Variants in STK32C observed in about 807,000 individuals in gnomAD.
STK32C encodes the protein serine/threonine kinase 32C, also known as serine/threonine-protein kinase 32C.
Under a neutral mutation model 56.5 loss-of-function variants are expected in STK32C, and 31 were observed. The ratio of observed to expected loss-of-function variants is 0.55; its 90% CI spans 0.41 to 0.74. The LOEUF (loss-of-function observed/expected upper bound fraction) is 0.74. Ranked by LOEUF, STK32C falls within the 30% of genes least tolerant of loss-of-function variation. The pLI, the probability that STK32C is intolerant of heterozygous loss-of-function variation, is 0.00. For missense variants in STK32C, 544 were observed against 676.9 expected (o/e 0.80, Z 2.18); for synonymous variants, 309 against 289.4 (o/e 1.07, Z -0.69).
chr10:132,274,776 C>A (rs557251614), intron 1 of STK32C, among the ~76,000 whole-genome samples: 1 of 152,250 alleles, frequency 6.6e-6, no homozygotes. Flanking sequence ...CCTCGGCAGT[C>A]GGCCACCTCC....
In STK32C at chr10:132,330,890, A is replaced by G. The variant is rs558598284; in HGVS notation, c.301+546T>C. Among the ~76,000 whole-genome samples, 9 of 151,184 alleles carry G rather than the reference A, an allele frequency of 6.0e-5. 1 individual carries two copies. In the East Asian group the frequency reaches 1.8e-3, roughly 30 times the overall value. On this transcript the variant is annotated intron_variant, in intron 1 of 1. Transcript: ENST00000368619. ...AAGTGGATAGTCGTTTCTCCACATAATTATGTCGTTTCCTTTAAAAAGTGG... is the reference window on the plus strand; with the variant it reads ...AAGTGGATAGTCGTTTCTCCACATAGTTATGTCGTTTCCTTTAAAAAGTGG...
chr10:132,290,079 CT>C (rs2065519255), intron 1 of STK32C, among the ~76,000 whole-genome samples: 1 of 152,238 alleles, frequency 6.6e-6, no homozygotes, highest in Admixed American at 6.5e-5. Context: ...CAAAGAGATT[CT>C]GCTGTGTCTC....
intron 1 of STK32C, among the ~76,000 whole-genome samples, chr10:132,306,738 T>C (rs766213059): frequency 1.3e-5 from 2 of 152,248 alleles, no homozygotes; most frequent in Non-Finnish European, 2.9e-5. Context: ...GTGTCATCAA[T>C]GTACGATTTT....
chr10:132,276,036 C>T (rs1262052866), intron 1 of STK32C, among the ~76,000 whole-genome samples: 4 of 152,190 alleles, frequency 2.6e-5, no homozygotes, highest in Non-Finnish European at 4.4e-5. Context: ...CGCCACACCA[C>T]CAGGCTGCCA....
chr10:132,251,734 A>ATGCCCT (rs1234951510), intron 1 of STK32C, among the ~76,000 whole-genome samples: 1 of 142,876 alleles, frequency 7.0e-6, no homozygotes, highest in African/African-American at 2.8e-5. Flanking sequence ...CAGGCAGGTC[A>ATGCCCT]ACACCCTACA....
chr10:132,312,908 C>T (rs1177538419), upstream of STK32C, among the ~76,000 whole-genome samples: 3 of 152,150 alleles, frequency 2.0e-5, no homozygotes, highest in Non-Finnish European at 4.4e-5. Context: ...GGCGTGGTGG[C>T]ACACGCCTGT....
intron 1 of STK32C, among the ~76,000 whole-genome samples, chr10:132,295,625 C>T (rs1453003289): frequency 6.6e-6 from 1 of 152,070 alleles, no homozygotes; most frequent in Non-Finnish European, 1.5e-5. Flanking sequence ...GTGGCTCACG[C>T]TTGTAATCCC....
intron 1 of STK32C, among the ~76,000 whole-genome samples, chr10:132,268,085 C>T (rs1322965616): frequency 4.8e-5 from 6 of 125,700 alleles, no homozygotes; most frequent in Admixed American, 8.7e-5. Context: ...GTGTGTGTGT[C>T]GGTGTGTGTG....
intron 1 of STK32C, among the ~76,000 whole-genome samples, chr10:132,306,748 T>G (rs1162683644): frequency 6.6e-6 from 1 of 152,274 alleles, no homozygotes; most frequent in Non-Finnish European, 1.5e-5. Context: ...TGTACGATTT[T>G]AAATGATTTG....
chr10:132,311,755 A>G (rs992732863), upstream of STK32C, among the ~76,000 whole-genome samples: 1 of 152,134 alleles, frequency 6.6e-6, no homozygotes, highest in Non-Finnish European at 1.5e-5. The surrounding 1 kb of genome is among the most constrained non-coding windows in gnomAD (Gnocchi z 4.4). Context: ...TTCTTCCTCT[A>G]TAAGGACACT....
At position 132,209,040 on chromosome 10, in the gene STK32C, C is replaced by G. The variant is rs766269601; in HGVS notation, c.1313G>C (p.Arg438Thr). Residue 438 changes from arginine to threonine, a missense_variant, in exon 11 of 12, where the codon AGA becomes ACA. Coordinates refer to ENST00000298630, the MANE Select transcript of STK32C (RefSeq NM_173575.4). ...AIQQDFVIFN[R>T]EKLKRSQDLP... ...CCACCCCCAACACACTCACTTTTCT[C>G]TGTTAAAAATCACGAAGTCTTGCTG... 1.3e-6 allele frequency: 2 copies of G among 1,597,818 alleles called. No individual in the cohort carries two copies. The highest frequency in any genetic ancestry group is 1.7e-6 in the Non-Finnish European group (2 of 1,167,652).
At chr10:132,245,021 CT>C (rs201463553) in intron 2 of STK32C, among the ~76,000 whole-genome samples, 1 of 152,216 alleles carries the variant, frequency 6.6e-6, no homozygotes, top group Non-Finnish European at 1.5e-5. Context: ...TTTGCTCTGA[CT>C]TTTCATCATC....
At chr10:132,320,367 C>T (rs1400357492), downstream of STK32C, among the ~76,000 whole-genome samples, 2 of 151,664 alleles carry the variant, frequency 1.3e-5, no homozygotes, top group Non-Finnish European at 2.9e-5. Context: ...TGAATCTGCA[C>T]GGCGGTGACT....
At chr10:132,300,278 C>A (rs764038559) in intron 1 of STK32C, among the ~76,000 whole-genome samples, 1 of 152,238 alleles carries the variant, frequency 6.6e-6, no homozygotes, top group African/African-American at 2.4e-5. Context: ...CTCCCACCTA[C>A]ACCATCTCCT....
At chr10:132,283,188 T>G (rs1258786155) in intron 1 of STK32C, among the ~76,000 whole-genome samples, 4 of 152,234 alleles carry the variant, frequency 2.6e-5, no homozygotes, top group Non-Finnish European at 5.9e-5. Flanking sequence ...ACTGCGCCAG[T>G]CCTCTATGCT....
intron 2 of STK32C, among the ~76,000 whole-genome samples, chr10:132,243,944 G>T (rs1373863285): frequency 6.6e-6 from 1 of 152,216 alleles, no homozygotes; most frequent in East Asian, 1.9e-4. Context: ...ACCACCACCT[G>T]CAGGGAAACA....
In STK32C at chr10:132,227,101, G is replaced by A. The variant is rs2062917374; in HGVS notation, c.471-133C>T. On this transcript the variant is annotated intron_variant, in intron 3 of 11. Coordinates refer to ENST00000298630, the MANE Select transcript of STK32C (RefSeq NM_173575.4). Reference sequence around the variant, plus strand: ...CAGCCACCAGGCATTCCCAGGAGGAGGGGCCTGCCCAAGGCACTGATTGCA... The same window carrying A: ...CAGCCACCAGGCATTCCCAGGAGGAAGGGCCTGCCCAAGGCACTGATTGCA... 3 of 1,076,960 alleles carry A rather than the reference G, an allele frequency of 2.8e-6. No homozygotes were observed. The Admixed American group carries it at 6.4e-5, about 23-fold the overall frequency. 66.7% of individuals were successfully genotyped at this position (1,076,960 alleles called of 1,614,324 possible).
chr10:132,249,104 C>T (rs776004452), intron 1 of STK32C: 1 of 470,878 alleles, frequency 2.1e-6, no homozygotes, highest in Non-Finnish European at 4.3e-6. Flanking sequence ...AGCAGCAAGG[C>T]GCATGCGTGC....
At chr10:132,331,593 C>T in exon 1 of STK32C, 1 of 1,612,918 alleles carries the variant, frequency 6.2e-7, no homozygotes, top group African/African-American at 1.3e-5. Flanking sequence ...CCAGGAGAGA[C>T]GCGGGGAGTG....
Sources: allele counts gnomAD v4.1 joint callset (sites outside exome capture counted in the v4.1 genomes callset), GRCh38; gene constraint gnomAD v4.1.1; non-coding constraint Gnocchi (gnomAD v3.1); transcripts MANE v1.5; gene names NCBI Gene and HGNC (gene_info 2026-07-23, HGNC 2026-07-21).